The following DNAI2 variants were observed in gnomAD, a reference collection of about 807,000 sequenced individuals.
DNAI2 encodes dynein axonemal intermediate chain 2.
A neutral mutation model predicts 74.7 loss-of-function variants in DNAI2; 63 were observed. The observed-to-expected ratio is 0.84, with a 90% confidence interval of 0.69 to 1.04. The LOEUF is 1.04. Among genes scored for constraint, DNAI2 ranks in the 50% least tolerant of loss-of-function variants. DNAI2 has a pLI of 0.00. For synonymous variants in DNAI2, 289 were observed against 314.9 expected (o/e 0.92, Z 0.87); for missense variants, 688 against 803.2 (o/e 0.86, Z 1.73).
chr17:74,287,503 T>TTG (rs138901894), intron 4 of DNAI2, among the ~76,000 whole-genome samples: 6,407 of 150,740 alleles, frequency 0.043, 365 homozygotes, highest in African/African-American at 0.14. Context: ...ATCCCACAGG[T>TTG]TGTGTGTGTG....
At chr17:74,286,633 C>T (rs1026132564) in intron 3 of DNAI2, among the ~76,000 whole-genome samples, 4 of 152,032 alleles carry the variant, frequency 2.6e-5, no homozygotes, top group Non-Finnish European at 5.9e-5. Context: ...CTATGTTGGC[C>T]GGGCTGGTCT....
rs552829812 is a variant in DNAI2, at chr17:74,283,033, C to T, written c.183+1033C>T. 3.3e-5 allele frequency among the ~76,000 whole-genome samples: 5 copies of T among 152,334 alleles called. No individual in the cohort carries two copies. The East Asian group carries it at 5.8e-4, about 18-fold the overall frequency. ...GGGGCCCTCCTGTCGTTTCCAGCAG[C>T]TCTGCCTTTTCCAGACTTGTTTTGT... On this transcript the variant is annotated intron_variant, in intron 2 of 13. Coordinates refer to ENST00000311014, the MANE Select transcript of DNAI2 (RefSeq NM_023036.6).
intron 8 of DNAI2, among the ~76,000 whole-genome samples, chr17:74,302,994 C>T (rs1025783044): frequency 6.6e-6 from 1 of 152,234 alleles, no homozygotes; most frequent in Non-Finnish European, 1.5e-5. Flanking sequence ...GCAAGGCTTT[C>T]TAGGCCAAGT....
At chr17:74,306,681 G>C (rs552866790) in intron 9 of DNAI2, among the ~76,000 whole-genome samples, 4 of 152,170 alleles carry the variant, frequency 2.6e-5, no homozygotes, top group Non-Finnish European at 5.9e-5. Flanking sequence ...GCAATGGCGA[G>C]ATCTCGGCTC....
At position 74,281,618 on chromosome 17, in the gene DNAI2, A is replaced by G. The variant is rs2051390359; in HGVS notation, c.-11-189A>G. On this transcript the variant is annotated intron_variant, in intron 1 of 13. Transcript: ENST00000311014. ...ATAACTAAACAGGGTAATGCTTAGC[A>G]TATAGTCGGCACTCAGGATTTTTTT... 10 of 623,892 alleles carry G rather than the reference A, an allele frequency of 1.6e-5. No individual in the cohort carries two copies. In the East Asian group the frequency reaches 2.7e-4, roughly 17 times the overall value. The allele number at this position is 623,892 out of a possible 1,614,324, so 38.6% of individuals were successfully genotyped here.
chr17:74,288,987 G>C (rs1219560155), intron 4 of DNAI2, among the ~76,000 whole-genome samples: 3 of 152,180 alleles, frequency 2.0e-5, no homozygotes, highest in Non-Finnish European at 4.4e-5. Context: ...CAGCTCTGGG[G>C]AATTCATTTC....
At position 74,307,257 on chromosome 17, in the gene DNAI2, C is replaced by A. The variant is rs751794241; in HGVS notation, c.1211+1815C>A. 2.2e-5 allele frequency: 10 copies of A among 456,268 alleles called. 1 individual carries two copies. The highest frequency in any genetic ancestry group is 1.5e-4 in the South Asian group (10 of 64,566). The allele number at this position is 456,268 out of a possible 1,614,324, so 28.3% of individuals were successfully genotyped here. A position where few individuals can be genotyped will look rare whatever the true frequency, so the allele number is the denominator to read the frequency against. ...AAGGAGCAGGGTGTCGAGCACAGCA[C>A]CCATAGGCCTTTCGCAGGGCTGGTT... On this transcript the variant is annotated intron_variant, in intron 9 of 13. Coordinates refer to ENST00000311014, the MANE Select transcript of DNAI2 (RefSeq NM_023036.6).
chr17:74,279,029 T>C (rs2051246666), intron 1 of DNAI2, among the ~76,000 whole-genome samples: 1 of 152,090 alleles, frequency 6.6e-6, no homozygotes, highest in African/African-American at 2.4e-5. Context: ...TAGCCGGGTG[T>C]GGTGGTGGGC....
chr17:74,309,614 C>T lies in DNAI2; in HGVS notation c.1347+226C>T, dbSNP rs2290957. On this transcript the variant is annotated intron_variant, in intron 10 of 13. Coordinates refer to ENST00000311014, the MANE Select transcript of DNAI2 (RefSeq NM_023036.6). ...TTGGCATCCTGGTAGCACAACAGAA[C>T]CACCTGGGGGAAATTTAAAAAGAAA... 656,658 of 718,898 alleles carry T rather than the reference C, an allele frequency of 0.91. 302,747 individuals carry two copies. The highest frequency in any genetic ancestry group is 0.95 in the Non-Finnish European group (382,439 of 402,530). The allele number at this position is 718,898 out of a possible 1,614,324, so 44.5% of individuals were successfully genotyped here. A position where few individuals can be genotyped will look rare whatever the true frequency, so the allele number is the denominator to read the frequency against.
chr17:74,282,108 A>G, intron 2 of DNAI2, 108 bp downstream of exon 2: 1 of 1,292,168 alleles, frequency 7.7e-7, no homozygotes, highest in South Asian at 1.2e-5. Flanking sequence ...AAAGCCAGTT[A>G]GAGTAGACCA....
chr17:74,278,879 A>G (rs1445761980), intron 1 of DNAI2, among the ~76,000 whole-genome samples: 1 of 152,178 alleles, frequency 6.6e-6, no homozygotes, highest in East Asian at 1.9e-4. Flanking sequence ...TTTAAAAATA[A>G]CTAACAGGCC....
intron 1 of DNAI2, among the ~76,000 whole-genome samples, chr17:74,277,640 G>A (rs900772526): frequency 1.3e-5 from 2 of 152,224 alleles, no homozygotes; most frequent in Admixed American, 6.5e-5. Flanking sequence ...CCTCTCAGGG[G>A]CCAGCGGCCA....
intron 1 of DNAI2, among the ~76,000 whole-genome samples, chr17:74,275,845 A>C (rs1367628062): frequency 6.6e-6 from 1 of 152,110 alleles, no homozygotes; most frequent in Non-Finnish European, 1.5e-5. Context: ...AGCCAATATC[A>C]CACCACTGCA....
chr17:74,280,000 C>T (rs1317217078), intron 1 of DNAI2, among the ~76,000 whole-genome samples: 1 of 152,180 alleles, frequency 6.6e-6, no homozygotes, highest in Admixed American at 6.5e-5. Context: ...TGGAAACTTG[C>T]TATCAAAGGC....
intron 1 of DNAI2, among the ~76,000 whole-genome samples, chr17:74,276,587 G>A: frequency 6.6e-6 from 1 of 152,174 alleles, no homozygotes; most frequent in Non-Finnish European, 1.5e-5. Context: ...AGAAGAGCTT[G>A]CTCTGGGTCC....
rs1374403931 is a variant in DNAI2, at chr17:74,314,193, G to T, written c.1795G>T (p.Glu599Ter). The T allele has an allele frequency of 6.2e-7, 1 of 1,614,218 alleles. No individual in the cohort carries two copies. Among genetic ancestry groups the T allele is most frequent in the Non-Finnish European group, 8.5e-7 (1 of 1,180,004 alleles). ...EEAAGEEGDE[E>*]VEEDLA is the part of the protein sequence containing the mutation. ...AGCAGCGGGGGAAGAAGGGGATGAA[G>T]AAGTGGAAGAAGACTTAGCCTAGAA... Residue 599 changes from glutamate to a stop codon, truncating the protein, a stop_gained, in exon 13 of 14, where the codon GAA (glutamate) becomes TAA (stop). Coordinates refer to ENST00000311014, the MANE Select transcript of DNAI2 (RefSeq NM_023036.6). LOFTEE classifies it high-confidence loss of function.
chr17:74,303,621 G>C (rs2052989865), intron 8 of DNAI2, among the ~76,000 whole-genome samples: 1 of 95,784 alleles, frequency 1.0e-5, no homozygotes, highest in Admixed American at 9.0e-5. Context: ...TTGAGACAGA[G>C]TCTCACTCTT....
At chr17:74,305,566 AC>A in intron 9 of DNAI2, 124 bp downstream of exon 9, 1 of 795,600 alleles carries the variant, frequency 1.3e-6, no homozygotes, top group Non-Finnish European at 2.0e-6. Flanking sequence ...TTCCACAAAC[AC>A]CCGAGCTCGT....
intron 9 of DNAI2, among the ~76,000 whole-genome samples, chr17:74,308,038 T>C (rs1338793290): frequency 6.6e-6 from 1 of 152,078 alleles, no homozygotes; most frequent in African/African-American, 2.4e-5. Flanking sequence ...CCTCAGGTGA[T>C]CCACCATTCT....
Sources: allele counts gnomAD v4.1 joint callset (sites outside exome capture counted in the v4.1 genomes callset), GRCh38; gene constraint gnomAD v4.1.1; transcripts MANE v1.5; gene names NCBI Gene and HGNC (gene_info 2026-07-23, HGNC 2026-07-21).